The following CUL9 variants were observed in gnomAD, a reference collection of about 807,000 sequenced individuals.
The protein encoded by CUL9 is cullin-9.
A neutral mutation model predicts 272.6 loss-of-function variants in CUL9; 79 were observed. That is an observed-to-expected ratio of 0.29 (90% CI 0.24 to 0.35). The LOEUF (loss-of-function observed/expected upper bound fraction) is 0.35. Among genes scored for constraint, CUL9 ranks in the 10% least tolerant of loss-of-function variants. The probability of loss-of-function intolerance (pLI) is 1.00; values close to 1 mark genes in which losing one functional copy is unlikely to be tolerated. For synonymous variants in CUL9, 1,186 were observed against 1,286.5 expected (o/e 0.92, Z 1.67); for missense variants, 2,532 against 3,255.6 (o/e 0.78, Z 5.41).
Position 43,186,208 on chromosome 6 carries a change from G to T in CUL9, c.1004G>T (p.Arg335Leu). The T allele has an allele frequency of 6.2e-7, 1 of 1,614,180 alleles. No homozygotes were observed. The highest frequency in any genetic ancestry group is 8.5e-7 in the Non-Finnish European group (1 of 1,180,038). ...GGCATGTCACCTCCCCGGCCAACCCGGTCCATCTTTCAGCCCTACATTTCA... is the reference window on the plus strand; with the variant it reads ...GGCATGTCACCTCCCCGGCCAACCCTGTCCATCTTTCAGCCCTACATTTCA... The part of the protein sequence containing the change: ...EQGMSPPRPT[R>L]SIFQPYISGP... Residue 335 changes from arginine to leucine, a missense_variant, in exon 4 of 41, where the codon CGG becomes CTG. Physicochemically the swap from Arg to Leu is moderately radical, Grantham distance 102. Coordinates refer to ENST00000252050, the MANE Select transcript of CUL9 (RefSeq NM_015089.4).
Position 43,213,052 on chromosome 6 carries a change from C to A in CUL9, c.5213-97C>A. 7.3e-7 allele frequency: 1 copy of A among 1,373,350 alleles called. No homozygotes were observed. Among genetic ancestry groups the A allele is most frequent in the Non-Finnish European group, 1.0e-6 (1 of 996,436 alleles). 85.1% of individuals were successfully genotyped at this position (1,373,350 alleles called of 1,614,324 possible). On this transcript the variant is annotated intron_variant, in intron 26 of 40. Coordinates refer to ENST00000252050, the MANE Select transcript of CUL9 (RefSeq NM_015089.4). This position sits in a 1 kb window ranked among gnomAD's most constrained non-coding sequence, Gnocchi z 5.7. ...CTGAAAATGCTGGGGCCCTCCTCCC[C>A]ATAGGGACTAGTAGGAGCAAAGCTT...
chr6:43,188,686 C>T lies in CUL9; in HGVS notation c.2151C>T (p.His717=). 1 of 1,613,562 alleles carries T rather than the reference C, an allele frequency of 6.2e-7. No individual in the cohort carries two copies. The highest frequency in any genetic ancestry group is 8.5e-7 in the Non-Finnish European group (1 of 1,179,796). The part of the protein sequence containing the change: ...QAVEEVTERD[H]PLVRPDRSLR... Reference sequence around the variant, plus strand: ...TGGAGGAGGTCACTGAGCGGGACCACCCTCTGGTCCGTCCTGACAGATCGC... The same window carrying T: ...TGGAGGAGGTCACTGAGCGGGACCATCCTCTGGTCCGTCCTGACAGATCGC... The change falls in exon 8 of 41, where the codon CAC becomes CAT. Residue 717 remains histidine, a synonymous_variant. Coordinates refer to ENST00000252050, the MANE Select transcript of CUL9 (RefSeq NM_015089.4).
chr6:43,222,551 G>T lies in CUL9; in HGVS notation c.6942G>T (p.Arg2314=), dbSNP rs776119035. Residue 2314 remains arginine (R), a synonymous_variant, in exon 37 of 41, where the codon CGG becomes CGT. Transcript: ENST00000252050. ...HQAREFAVNL[R]NRVSAIHEVP... is the part of the protein sequence containing the mutation. ...CACAGGAGTTTGCTGTGAACTTGCG[G>T]AACCGGGTGTCTGCCATCCATGAAG... 6.2e-7 allele frequency: 1 copy of T among 1,613,926 alleles called. No individual in the cohort carries two copies. The highest frequency in any genetic ancestry group is 1.7e-5 in the Admixed American group (1 of 60,032).
Position 43,184,983 on chromosome 6 carries a change from A to G in CUL9, c.595+78A>G. On this transcript the variant is annotated intron_variant, in intron 2 of 40. Transcript: ENST00000252050. The surrounding 1 kb of genome is among the most constrained non-coding windows in gnomAD (Gnocchi z 4.8). ...GAATAAGAAAGAGGAGAGATTTCCT[A>G]GCTCTGTAAGAACACCTAGTATTTG... is the stretch of plus-strand genomic sequence containing the variant. 9.1e-7 allele frequency: 1 copy of G among 1,097,316 alleles called. No homozygotes were observed. The highest frequency in any genetic ancestry group is 1.3e-6 in the Non-Finnish European group (1 of 780,530). The allele number at this position is 1,097,316 out of a possible 1,614,324, so 68.0% of individuals were successfully genotyped here. A position where few individuals can be genotyped will look rare whatever the true frequency, so the allele number is the denominator to read the frequency against.
rs895241854 is a variant in CUL9 at position 43,220,679 on chromosome 6, CT to C, written c.6424-67del. 12 of 1,603,306 alleles carry C rather than the reference CT, an allele frequency of 7.5e-6. No individual in the cohort carries two copies. The highest frequency in any genetic ancestry group is 6.7e-5 in the African/African-American group (5 of 74,740). On this transcript the variant is annotated intron_variant, in intron 32 of 40. Transcript: ENST00000252050. This position sits in a 1 kb window ranked among gnomAD's most constrained non-coding sequence, Gnocchi z 4.9. ...AGGGAGTGGGCTGAGCTATGGGGTG[CT>C]GGGGGCCTGGAGGTGTGGCATCCTG...
rs1467853842 is a variant in CUL9, at chr6:43,198,803, C to T, written c.2998C>T (p.Arg1000Trp). Residue 1000 changes from arginine (R) to tryptophan (W), a missense_variant, in exon 12 of 41, where the codon CGG (arginine) becomes TGG (tryptophan). By Grantham distance (101) the Arg-to-Trp change is moderately radical. Transcript: ENST00000252050. ...QETQPFLLLL[R>W]TLDAPGPNKT... ...GACCCAGCCTTTCCTCCTGTTGCTG[C>T]GGACTCTGGATGCTCCGGGGCCCAA... is the stretch of plus-strand genomic sequence containing the variant. The T allele has an allele frequency of 6.8e-6, 11 of 1,613,714 alleles. No individual in the cohort carries two copies. The highest frequency in any genetic ancestry group is 1.1e-5 in the South Asian group (1 of 91,088).
intron 29 of CUL9, among the ~76,000 whole-genome samples, chr6:43,214,139 G>A (rs987778305): frequency 1.2e-4 from 19 of 152,252 alleles, no homozygotes; most frequent in African/African-American, 4.6e-4. Flanking sequence ...ATTTAATCCA[G>A]CCAGGTACAG....
chr6:43,203,290 C>T lies in CUL9; in HGVS notation c.3849+86C>T, dbSNP rs1774770857. ...ATCTGCTTGGGAGATGGCCCAGGAC[C>T]TGTTGAGTCCCAGAGATGTGGGGAT... On this transcript the variant is annotated intron_variant, in intron 18 of 40. Coordinates refer to ENST00000252050, the MANE Select transcript of CUL9 (RefSeq NM_015089.4). The surrounding 1 kb of genome is among the most constrained non-coding windows in gnomAD (Gnocchi z 5.0). The T allele has an allele frequency of 8.2e-6, 13 of 1,592,734 alleles. No individual in the cohort carries two copies. In the Admixed American group the frequency reaches 2.2e-4, roughly 27 times the overall value.
At position 43,221,664 on chromosome 6, in the gene CUL9, A is replaced by C. The variant is rs1582439604; in HGVS notation, c.6753-21A>C. ...CCCTGCCCAGAGGCAGGAGTCCCTGACCAGCCAGCTTCCTCCATAGCATGA... is the reference window on the plus strand; with the variant it reads ...CCCTGCCCAGAGGCAGGAGTCCCTGCCCAGCCAGCTTCCTCCATAGCATGA... On this transcript the variant is annotated intron_variant, in intron 34 of 40. Transcript: ENST00000252050. The surrounding 1 kb of genome is among the most constrained non-coding windows in gnomAD (Gnocchi z 4.2). 6.2e-7 allele frequency: 1 copy of C among 1,610,324 alleles called. No homozygotes were observed. The highest frequency in any genetic ancestry group is 8.5e-7 in the Non-Finnish European group (1 of 1,177,534).
chr6:43,192,495 A>C (rs543829281), intron 8 of CUL9, among the ~76,000 whole-genome samples: 50 of 152,138 alleles, frequency 3.3e-4, no homozygotes, highest in African/African-American at 1.1e-3. Context: ...ACATAGCGAA[A>C]CCCCGTCTCT....
intron 2 of CUL9, among the ~76,000 whole-genome samples, 179 bp from the exon 3 acceptor site, chr6:43,185,277 A>G (rs1266906774): frequency 1.3e-5 from 2 of 152,232 alleles, no homozygotes; most frequent in Non-Finnish European, 2.9e-5. Flanking sequence ...GTAGCATAAA[A>G]TATATGTTTC....
rs1341679405 is a variant in CUL9 at position 43,221,948 on chromosome 6, G to C, written c.6846+170G>C. On this transcript the variant is annotated intron_variant, in intron 35 of 40. Coordinates refer to ENST00000252050, the MANE Select transcript of CUL9 (RefSeq NM_015089.4). This position sits in a 1 kb window ranked among gnomAD's most constrained non-coding sequence, Gnocchi z 4.2. ...CACCTGGGCCTGCAGATGCTGGAAA[G>C]TCTGTTCACAGGGACCTTCAGCTCC... 3 of 625,332 alleles carry C rather than the reference G, an allele frequency of 4.8e-6. No individual in the cohort carries two copies. The allele number at this position is 625,332 out of a possible 1,614,324, so 38.7% of individuals were successfully genotyped here. A position where few individuals can be genotyped will look rare whatever the true frequency, so the allele number is the denominator to read the frequency against.
At chr6:43,191,481 ATTTTTTTTTT>A in intron 8 of CUL9, among the ~76,000 whole-genome samples, 1 of 97,454 alleles carries the variant, frequency 1.0e-5, no homozygotes, top group African/African-American at 5.1e-5. Flanking sequence ...CACCCAGCTA[ATTTTTTTTTT>A]TTTTTTTTTT....
intron 4 of CUL9, among the ~76,000 whole-genome samples, chr6:43,186,697 A>C (rs1168262589): frequency 6.6e-6 from 1 of 152,076 alleles, no homozygotes; most frequent in Non-Finnish European, 1.5e-5. Flanking sequence ...ATAAATGGAG[A>C]TACCTCCCCA....
At position 43,213,160 on chromosome 6, in the gene CUL9, C is replaced by G. The variant is rs554299178; in HGVS notation, c.5224C>G (p.Pro1742Ala). Reference protein sequence around the residue: ...SSFYSQSQNHPVLDMGPHRRL... With the variant: ...SSFYSQSQNHAVLDMGPHRRL... ...TGACACTTGCCTAGGTCAGAACCAT[C>G]CAGTCCTGGACATGGGACCACATCG... is the stretch of plus-strand genomic sequence containing the variant. The change falls in exon 27 of 41, where the codon CCA (proline) becomes GCA (alanine). Residue 1742 changes from proline to alanine, a missense_variant. Around this residue, in one of 3 missense-constraint regions of CUL9, gnomAD observed 2,218 missense variants for 2,788.6 expected, o/e 0.80. Coordinates refer to ENST00000252050, the MANE Select transcript of CUL9 (RefSeq NM_015089.4). The surrounding 1 kb of genome is among the most constrained non-coding windows in gnomAD (Gnocchi z 5.7). The G allele has an allele frequency of 7.4e-6, 12 of 1,613,986 alleles. No individual in the cohort carries two copies. Among genetic ancestry groups the G allele is most frequent in the Non-Finnish European group, 9.3e-6 (11 of 1,179,984 alleles).
At chr6:43,194,309 T>C (rs190296151) in intron 9 of CUL9, among the ~76,000 whole-genome samples, 8 of 152,182 alleles carry the variant, frequency 5.3e-5, no homozygotes, top group Non-Finnish European at 4.4e-5. Context: ...TTTTTTCTTT[T>C]TTCTTTTTTC....
In CUL9 at chr6:43,203,015, C is replaced by T; in HGVS notation, c.3754-94C>T. 7 of 1,397,054 alleles carry T rather than the reference C, an allele frequency of 5.0e-6. No individual in the cohort carries two copies. The highest frequency in any genetic ancestry group is 3.5e-5 in the South Asian group (3 of 85,298). 86.5% of individuals were successfully genotyped at this position (1,397,054 alleles called of 1,614,324 possible). ...TAGGCTCTGCGGGAGAAGTGAAGGG[C>T]ACACACCATGACCGACTTGGTTACT... is the stretch of plus-strand genomic sequence containing the variant. On this transcript the variant is annotated intron_variant, in intron 17 of 40. Coordinates refer to ENST00000252050, the MANE Select transcript of CUL9 (RefSeq NM_015089.4). The surrounding 1 kb of genome is among the most constrained non-coding windows in gnomAD (Gnocchi z 5.0).
chr6:43,198,247 T>A (rs1049344862), intron 11 of CUL9: 1 of 984,952 alleles, frequency 1.0e-6, no homozygotes, highest in African/African-American at 1.7e-5. Context: ...TCCTACAAAA[T>A]AGGAAATATG....
rs763253886 is a variant in CUL9, at chr6:43,203,850, C to T, written c.4026-4C>T. The T allele has an allele frequency of 6.2e-7, 1 of 1,606,756 alleles. No homozygotes were observed. Among genetic ancestry groups the T allele is most frequent in the Admixed American group, 1.7e-5 (1 of 59,456 alleles). The stretch of plus-strand genomic sequence containing the variant: ...ATCCTCCGCCATGCACTGTTTGTTC[C>T]CAGACTGAACAGGGTTTTGCGCCAC... On this transcript the variant is annotated splice_region_variant and splice_polypyrimidine_tract_variant and intron_variant, in intron 19 of 40. Coordinates refer to ENST00000252050, the MANE Select transcript of CUL9 (RefSeq NM_015089.4). This position sits in a 1 kb window ranked among gnomAD's most constrained non-coding sequence, Gnocchi z 5.0.
Sources: gnomAD v4.1 joint callset for allele counts (sites outside exome capture counted in the v4.1 genomes callset) on GRCh38, gnomAD v4.1.1 for gene constraint, gnomAD v4.1.1 regional missense constraint, Gnocchi (gnomAD v3.1) non-coding constraint, MANE v1.5 for transcripts, NCBI Gene and HGNC (gene_info 2026-07-23, HGNC 2026-07-21) for gene names.